EML6: variants seen among roughly 807,000 people sequenced by gnomAD.
EML6 encodes echinoderm microtubule-associated protein-like 6.
Under a neutral mutation model 240.1 loss-of-function variants are expected in EML6, and 154 were observed. The observed-to-expected ratio is 0.64, with a 90% CI of 0.56 to 0.73. The LOEUF (loss-of-function observed/expected upper bound fraction) is 0.73, where lower values mean the gene tolerates loss of function less well. Among genes scored for constraint, EML6 ranks in the 30% least tolerant of loss-of-function variants. The pLI is 0.00. For synonymous variants in EML6, 1,148 were observed against 899.0 expected, an observed-to-expected ratio of 1.28 and a Z score of -4.95; for missense variants, 2,964 against 2,474.6, an observed-to-expected ratio of 1.20 and a Z score of -4.20.
At chr2:54,743,824 A>G (rs1482455071) in intron 2 of EML6, among the ~76,000 whole-genome samples, 1 of 152,212 alleles carries the variant, frequency 6.6e-6, no homozygotes, top group East Asian at 1.9e-4. Context: ...CATTAAATTT[A>G]TATGTGAATG....
chr2:54,896,019 C>T (rs1231448252), intron 21 of EML6, among the ~76,000 whole-genome samples: 2 of 152,190 alleles, frequency 1.3e-5, no homozygotes, highest in African/African-American at 2.4e-5. Context: ...ATACCACACT[C>T]AAAGGGAGGT....
chr2:54,841,054 G>C (rs1434304303), intron 7 of EML6, among the ~76,000 whole-genome samples: 1 of 151,880 alleles, frequency 6.6e-6, no homozygotes, highest in East Asian at 1.9e-4. Flanking sequence ...ACTCCTGAGT[G>C]GTAATGAAAC....
chr2:54,847,883 A>G (rs1669856744), intron 9 of EML6, among the ~76,000 whole-genome samples: 1 of 152,218 alleles, frequency 6.6e-6, no homozygotes, highest in Non-Finnish European at 1.5e-5. Flanking sequence ...CTCTTAGTAG[A>G]AATAATCATG....
At chr2:54,729,806 G>T (rs1475557165) in intron 2 of EML6, among the ~76,000 whole-genome samples, 1 of 152,234 alleles carries the variant, frequency 6.6e-6, no homozygotes, top group Non-Finnish European at 1.5e-5. Context: ...ATTTGAAGTA[G>T]ATCATTAGAA....
At chr2:54,795,006 T>A (rs1471970322) in intron 2 of EML6, among the ~76,000 whole-genome samples, 1 of 152,180 alleles carries the variant, frequency 6.6e-6, no homozygotes, top group African/African-American at 2.4e-5. Flanking sequence ...CTCCTTTACC[T>A]CAGAATTTTA....
intron 2 of EML6, among the ~76,000 whole-genome samples, chr2:54,791,313 A>G (rs867622423): frequency 1.3e-5 from 2 of 152,118 alleles, no homozygotes; most frequent in South Asian, 2.1e-4. Context: ...ATCTCTTTTG[A>G]AGATAATTTA....
At chr2:54,890,924 G>GATTTTAAACC in intron 17 of EML6, 130 bp from the exon 18 acceptor site, 1 of 464,498 alleles carries the variant, frequency 2.2e-6, no homozygotes, top group East Asian at 3.0e-5. Context: ...TGCCCGTGTG[G>GATTTTAAACC]ATTTTAAACC....
At chr2:54,778,461 G>T (rs948311381) in intron 2 of EML6, among the ~76,000 whole-genome samples, 2 of 152,138 alleles carry the variant, frequency 1.3e-5, no homozygotes, top group Non-Finnish European at 2.9e-5. Context: ...TCAAAAGTCA[G>T]CTACGTTTCC....
At chr2:54,786,888 T>G (rs989941460) in intron 2 of EML6, among the ~76,000 whole-genome samples, 1 of 152,200 alleles carries the variant, frequency 6.6e-6, no homozygotes, top group East Asian at 1.9e-4. Context: ...GTTTGTAAGT[T>G]TGCAAAATAG....
chr2:54,835,138 C>T (rs1296324112), intron 7 of EML6, among the ~76,000 whole-genome samples: 1 of 152,218 alleles, frequency 6.6e-6, no homozygotes, highest in African/African-American at 2.4e-5. Context: ...AAAGCCTATG[C>T]TGATGATCTC....
chr2:54,923,802 C>A (rs1674394138), intron 26 of EML6, among the ~76,000 whole-genome samples: 2 of 152,102 alleles, frequency 1.3e-5, no homozygotes, highest in Non-Finnish European at 2.9e-5. Flanking sequence ...TCCCCATGCC[C>A]CCTCCCTCCC....
In EML6 at chr2:54,968,185, C is replaced by G. The variant is rs1375476959; in HGVS notation, c.5655C>G (p.Val1885=). Residue 1885 remains valine (V), a synonymous_variant, in exon 40 of 42, where the codon GTC becomes GTG. Transcript: ENST00000356458. Reference sequence around the variant, plus strand: ...CACGAAATGCAGACAAGGCTGATGTCAACTGCGCATGTGTGACCCACGCTG... The same window carrying G: ...CACGAAATGCAGACAAGGCTGATGTGAACTGCGCATGTGTGACCCACGCTG... The part of the protein sequence containing the change: ...IWPRNADKAD[V]NCACVTHAGL... 1 of 1,551,676 alleles carries G rather than the reference C, an allele frequency of 6.4e-7. No homozygotes were observed. The highest frequency in any genetic ancestry group is 2.4e-5 in the East Asian group (1 of 40,924).
In EML6 at chr2:54,961,185, T is replaced by TTG. The variant is rs1491471475; in HGVS notation, c.4968+852_4968+853insGT. Reference sequence around the variant, plus strand: ...GAGCCTGGAAGTTATCAGGAAGTAGTTTTTTTTTTTTTTTTTTTGAGACGG... The same window carrying TTG: ...GAGCCTGGAAGTTATCAGGAAGTAGTTGTTTTTTTTTTTTTTTTTTGAGACGG... On this transcript the variant is annotated intron_variant, in intron 35 of 41. Coordinates refer to ENST00000356458, the MANE Select transcript of EML6 (RefSeq NM_001039753.4). Among the ~76,000 whole-genome samples the TTG allele has an allele frequency of 3.4e-3, 209 of 62,388 alleles. 66 individuals carry two copies. The highest frequency in any genetic ancestry group is 5.5e-3 in the African/African-American group (77 of 14,110). 40.9% of individuals were successfully genotyped at this position (62,388 alleles called of 152,430 possible). A position where few individuals can be genotyped will look rare whatever the true frequency, so the allele number is the denominator to read the frequency against.
In EML6 at chr2:54,725,302, G is replaced by C; in HGVS notation, c.197+44G>C. ...GCGGCGGGGAGGGGTTGCGTGTGGA[G>C]GCTGGGAAGGTGGGAAGCGGTTGAC... On this transcript the variant is annotated intron_variant, in intron 2 of 41. Transcript: ENST00000356458. This position sits in a 1 kb window ranked among gnomAD's most constrained non-coding sequence, Gnocchi z 4.3. The C allele has an allele frequency of 7.3e-7, 1 of 1,361,270 alleles. No homozygotes were observed. The highest frequency in any genetic ancestry group is 9.6e-7 in the Non-Finnish European group (1 of 1,036,418). The allele number at this position is 1,361,270 out of a possible 1,614,324, so 84.3% of individuals were successfully genotyped here. A position where few individuals can be genotyped will look rare whatever the true frequency, so the allele number is the denominator to read the frequency against.
At chr2:54,903,530 GA>G (rs1262098566) in intron 24 of EML6, 28 bp downstream of exon 24, 1 of 1,425,058 alleles carries the variant, frequency 7.0e-7, no homozygotes, top group Non-Finnish European at 9.3e-7. Context: ...TTTTAAAATA[GA>G]ATTTCTGTGT....
At chr2:54,768,235 C>T (rs114379061) in intron 2 of EML6, among the ~76,000 whole-genome samples, 207 of 151,978 alleles carry the variant, frequency 1.4e-3, no homozygotes, top group Middle Eastern at 0.01. Flanking sequence ...CTTAGTTGAT[C>T]TCAGGGATGC....
intron 2 of EML6, among the ~76,000 whole-genome samples, chr2:54,797,183 A>AAAAAC (rs1669856631): frequency 6.7e-6 from 1 of 149,200 alleles, no homozygotes; most frequent in Non-Finnish European, 1.5e-5. Context: ...AAAAAAAAAA[A>AAAAAC]AAAAAACTGT....
chr2:54,806,439 C>A (rs1670484091), intron 2 of EML6, among the ~76,000 whole-genome samples: 2 of 151,664 alleles, frequency 1.3e-5, no homozygotes, highest in Admixed American at 1.3e-4. Context: ...AGGGCGAAAC[C>A]CTGTCTCTAC....
At chr2:54,891,716 A>G (rs1391327452) in intron 18 of EML6, among the ~76,000 whole-genome samples, 1 of 152,214 alleles carries the variant, frequency 6.6e-6, no homozygotes, top group Admixed American at 6.5e-5. Flanking sequence ...TTTGGTGCCA[A>G]GCCCTAACTT....
Sources: gnomAD v4.1 joint callset for allele counts (sites outside exome capture counted in the v4.1 genomes callset) on GRCh38, gnomAD v4.1.1 for gene constraint, Gnocchi (gnomAD v3.1) non-coding constraint, MANE v1.5 for transcripts, NCBI Gene and HGNC (gene_info 2026-07-23, HGNC 2026-07-21) for gene names.